ZNF804B: variants seen among roughly 807,000 people sequenced by gnomAD.
The protein encoded by ZNF804B is zinc finger protein 804B.
ZNF804B carries 80 observed loss-of-function variants against 101.4 expected under a neutral mutation model. The ratio of observed to expected loss-of-function variants is 0.79; its 90% CI spans 0.66 to 0.95. The LOEUF (loss-of-function observed/expected upper bound fraction) is 0.95, where lower values mean the gene tolerates loss of function less well. ZNF804B is among the 40% of genes least tolerant of loss of function. The pLI is 0.00. For missense variants in ZNF804B, 1,673 were observed against 1,561.9 expected (o/e 1.07, Z -1.20); for synonymous variants, 622 against 558.8 (o/e 1.11, Z -1.59).
chr7:89,007,446 TTATATATATATATATA>T (rs61374091), intron 1 of ZNF804B, among the ~76,000 whole-genome samples: 49 of 57,198 alleles, frequency 8.6e-4, no homozygotes, highest in Admixed American at 7.9e-3. Flanking sequence ...ATCCATGATT[TTATATATATATATATA>T]TATATATATA....
intron 1 of ZNF804B, among the ~76,000 whole-genome samples, chr7:88,936,414 A>G (rs924064269): frequency 1.3e-5 from 2 of 152,090 alleles, no homozygotes; most frequent in Admixed American, 1.3e-4. Context: ...TAAGATGCAT[A>G]TAAACATGGG....
At chr7:89,212,290 A>ACACACACACAC (rs1491050529) in intron 1 of ZNF804B, among the ~76,000 whole-genome samples, 51 of 97,120 alleles carry the variant, frequency 5.3e-4, no homozygotes, top group African/African-American at 1.6e-3. Flanking sequence ...CACACACACA[A>ACACACACACAC]ACAGACTGCA....
chr7:89,169,755 A>G (rs1467146515), intron 1 of ZNF804B, among the ~76,000 whole-genome samples: 1 of 152,214 alleles, frequency 6.6e-6, no homozygotes, highest in Non-Finnish European at 1.5e-5. Flanking sequence ...ATTAACTTAT[A>G]TAATTAGAAG....
chr7:89,171,671 G>A (rs2116435391), intron 1 of ZNF804B, among the ~76,000 whole-genome samples: 1 of 152,170 alleles, frequency 6.6e-6, no homozygotes, highest in Non-Finnish European at 1.5e-5. Flanking sequence ...CTGACCTCAA[G>A]TGATCCGCCT....
At chr7:89,239,821 T>C (rs531406654) in intron 2 of ZNF804B, among the ~76,000 whole-genome samples, 2 of 150,950 alleles carry the variant, frequency 1.3e-5, no homozygotes, top group Non-Finnish European at 3.0e-5. Context: ...ATATAAAATT[T>C]AATAGATTGA....
At chr7:89,201,516 TC>T (rs1209671995) in intron 1 of ZNF804B, among the ~76,000 whole-genome samples, 1 of 151,894 alleles carries the variant, frequency 6.6e-6, no homozygotes, top group African/African-American at 2.4e-5. Flanking sequence ...AGCCGAGACT[TC>T]CAAGAAGCAG....
intron 1 of ZNF804B, among the ~76,000 whole-genome samples, chr7:89,080,022 T>C (rs1789672189): frequency 6.6e-6 from 1 of 151,910 alleles, no homozygotes. Context: ...CTTACATTTT[T>C]ATTTTTTTTT....
At chr7:88,813,988 T>C (rs1017722755) in intron 1 of ZNF804B, among the ~76,000 whole-genome samples, 1 of 152,152 alleles carries the variant, frequency 6.6e-6, no homozygotes, top group Admixed American at 6.5e-5. Context: ...GGCTAAATAG[T>C]ACTCATGAAG....
At chr7:88,778,159 A>AT (rs1275937666) in intron 1 of ZNF804B, among the ~76,000 whole-genome samples, 4 of 152,192 alleles carry the variant, frequency 2.6e-5, no homozygotes, top group African/African-American at 7.2e-5. Flanking sequence ...AAGAGAATTC[A>AT]TTTTAATGTT....
chr7:89,277,485 CT>C (rs1562934688), intron 2 of ZNF804B, among the ~76,000 whole-genome samples: 66 of 19,382 alleles, frequency 3.4e-3, no homozygotes, highest in South Asian at 6.0e-3. Flanking sequence ...CCCCTCCCCC[CT>C]CCCCCCTCCC....
At chr7:88,963,653 C>T (rs550822539) in intron 1 of ZNF804B, among the ~76,000 whole-genome samples, 1 of 151,026 alleles carries the variant, frequency 6.6e-6, no homozygotes, top group African/African-American at 2.4e-5. Flanking sequence ...ATAAAGGCAA[C>T]AACAGAAAAA....
chr7:88,972,253 C>A (rs1160113947), intron 1 of ZNF804B, among the ~76,000 whole-genome samples: 1 of 151,510 alleles, frequency 6.6e-6, no homozygotes, highest in Non-Finnish European at 1.5e-5. Context: ...TCATTTCTCA[C>A]CAGCTTAAAA....
At chr7:89,260,207 G>C (rs747880636) in intron 2 of ZNF804B, among the ~76,000 whole-genome samples, 1 of 152,244 alleles carries the variant, frequency 6.6e-6, no homozygotes, top group African/African-American at 2.4e-5. Flanking sequence ...TCGTTCTGGG[G>C]TTAGCAGCTT....
At chr7:89,197,682 T>G (rs1348444508) in intron 1 of ZNF804B, among the ~76,000 whole-genome samples, 1 of 151,870 alleles carries the variant, frequency 6.6e-6, no homozygotes, top group East Asian at 1.9e-4. Flanking sequence ...CGGTTACTCA[T>G]TAGAATTTAT....
chr7:89,180,399 T>G lies in ZNF804B; in HGVS notation c.109-37756T>G, dbSNP rs561652654. 6.6e-4 allele frequency among the ~76,000 whole-genome samples: 101 copies of G among 152,214 alleles called. 1 individual carries two copies. In the South Asian group the frequency reaches 7.3e-3, roughly 11 times the overall value. On this transcript the variant is annotated intron_variant, in intron 1 of 3. Transcript: ENST00000333190. ...GTCCTTTTTACTCTTCTGTTTCCTT[T>G]CATCAAGCAGAGTGAGTCTTGCCCC...
intron 2 of ZNF804B, among the ~76,000 whole-genome samples, chr7:89,246,098 T>G (rs6946121): frequency 6.6e-6 from 1 of 152,002 alleles, no homozygotes; most frequent in Non-Finnish European, 1.5e-5. Context: ...ATGTGGCCAC[T>G]TGGGCATTTT....
chr7:88,847,927 G>C (rs1791398984), intron 1 of ZNF804B, among the ~76,000 whole-genome samples: 1 of 152,016 alleles, frequency 6.6e-6, no homozygotes, highest in Admixed American at 6.6e-5. Context: ...AAGGGAGGAG[G>C]AACCATGTTG....
intron 1 of ZNF804B, among the ~76,000 whole-genome samples, chr7:89,088,636 C>A (rs575232654): frequency 6.8e-6 from 1 of 146,460 alleles, no homozygotes; most frequent in African/African-American, 2.6e-5. Flanking sequence ...CTCCTGCATC[C>A]TAGATAAGAG....
chr7:89,095,933 C>T (rs1201544774), intron 1 of ZNF804B, among the ~76,000 whole-genome samples: 3 of 151,884 alleles, frequency 2.0e-5, no homozygotes, highest in African/African-American at 4.8e-5. Flanking sequence ...AGGCGGATCA[C>T]GAGGTCAGGA....
Sources: allele counts gnomAD v4.1 joint callset (sites outside exome capture counted in the v4.1 genomes callset), GRCh38; gene constraint gnomAD v4.1.1; transcripts MANE v1.5; gene names NCBI Gene and HGNC (gene_info 2026-07-23, HGNC 2026-07-21).